The following ITGAM variants were observed in gnomAD, a reference collection of about 807,000 sequenced individuals.
ITGAM encodes the protein integrin alpha-M.
In ITGAM, 79 loss-of-function variants were observed where a neutral mutation model predicts 137.5. That is an observed-to-expected ratio of 0.57 (90% CI 0.48 to 0.69). The LOEUF (loss-of-function observed/expected upper bound fraction) is 0.69. Among genes scored for constraint, ITGAM ranks in the 30% least tolerant of loss-of-function variants. The pLI is 0.00. For missense variants in ITGAM, 1,343 were observed against 1,483.5 expected (o/e 0.91, Z 1.56); for synonymous variants, 583 against 592.3 (o/e 0.98, Z 0.23).
chr16:31,330,101 C>T lies in ITGAM; in HGVS notation c.2997C>T (p.His999=). 2 of 1,613,848 alleles carry T rather than the reference C, an allele frequency of 1.2e-6. No individual in the cohort carries two copies. The highest frequency in any genetic ancestry group is 1.7e-6 in the Non-Finnish European group (2 of 1,179,804). The change falls in exon 26 of 30, where the codon CAC becomes CAT. Residue 999 remains histidine (H), a synonymous_variant. Coordinates refer to ENST00000544665, the MANE Select transcript of ITGAM (RefSeq NM_000632.4). Reference sequence around the variant, plus strand: ...CTCAGAACCTCTCGAGTACGTGCCACACCAAGGAGCGCTTGCCCTCTCACT... The same window carrying T: ...CTCAGAACCTCTCGAGTACGTGCCATACCAAGGAGCGCTTGCCCTCTCACT... ...TFSENLSSTC[H]TKERLPSHSD...
chr16:31,329,955 C>T (rs1252389618), intron 25 of ITGAM, 50 bp downstream of exon 25: 10 of 1,534,360 alleles, frequency 6.5e-6, no homozygotes, highest in Non-Finnish European at 8.8e-6. Context: ...GTTCCTCTCA[C>T]CTCTGTTAAT....
intron 12 of ITGAM, among the ~76,000 whole-genome samples, chr16:31,283,186 A>G (rs893884545): frequency 6.6e-6 from 1 of 151,682 alleles, no homozygotes; most frequent in Non-Finnish European, 1.5e-5. Flanking sequence ...TGAATCTGAC[A>G]ATTATGTGTC....
chr16:31,317,153 G>A (rs1362558257), intron 14 of ITGAM, among the ~76,000 whole-genome samples: 4 of 152,158 alleles, frequency 2.6e-5, no homozygotes, highest in Admixed American at 2.6e-4. Context: ...GAAGTGGTGA[G>A]TGTGGGCATC....
chr16:31,301,893 T>C (rs560670856), intron 14 of ITGAM, among the ~76,000 whole-genome samples: 2 of 152,314 alleles, frequency 1.3e-5, no homozygotes, highest in South Asian at 2.1e-4. Flanking sequence ...AAGGTTTCAC[T>C]ACATGAGTCA....
chr16:31,305,687 T>A (rs1373391730), intron 14 of ITGAM, among the ~76,000 whole-genome samples: 2 of 152,220 alleles, frequency 1.3e-5, no homozygotes, highest in Non-Finnish European at 1.5e-5. Flanking sequence ...TGCTGGATTT[T>A]ATCAAATGCT....
At chr16:31,263,501 C>G (rs2079728417) in intron 2 of ITGAM, among the ~76,000 whole-genome samples, 1 of 152,118 alleles carries the variant, frequency 6.6e-6, no homozygotes, top group South Asian at 2.1e-4. Flanking sequence ...CCTCATACTC[C>G]CTCACTCATT....
At chr16:31,331,552 G>A (rs1597046510) in intron 29 of ITGAM, 84 bp from the exon 30 acceptor site, 1 of 454,870 alleles carries the variant, frequency 2.2e-6, no homozygotes, top group East Asian at 4.5e-5. Flanking sequence ...TGTCTCTGCC[G>A]GCCCTCCCGC....
chr16:31,274,210 A>G (rs1014337232), intron 8 of ITGAM, among the ~76,000 whole-genome samples: 2 of 152,228 alleles, frequency 1.3e-5, no homozygotes, highest in African/African-American at 4.8e-5. Context: ...CAAGCCACCC[A>G]CAAGTCAGTC....
intron 14 of ITGAM, among the ~76,000 whole-genome samples, chr16:31,308,508 T>A (rs1449065841): frequency 2.6e-5 from 4 of 152,200 alleles, no homozygotes; most frequent in African/African-American, 9.6e-5. Flanking sequence ...CCCTTTGTCA[T>A]TTTTGTATTG....
At chr16:31,276,217 G>A (rs1015418616) in intron 9 of ITGAM, among the ~76,000 whole-genome samples, 1 of 152,182 alleles carries the variant, frequency 6.6e-6, no homozygotes, top group East Asian at 1.9e-4. Context: ...ATCCTTCTAA[G>A]AGGGACGTAT....
chr16:31,313,216 C>CA lies in ITGAM; in HGVS notation c.1708-8014dup, dbSNP rs908046708. Among the ~76,000 whole-genome samples the CA allele has an allele frequency of 2.5e-4, 37 of 145,698 alleles. No homozygotes were observed. In the Middle Eastern group the frequency reaches 0.01, roughly 41 times the overall value. The stretch of plus-strand genomic sequence containing the variant: ...CTGGCAACAGAGCGAGACTCCGTCT[C>CA]AAAAAAAAAAATTATACGTTAAGTT... On this transcript the variant is annotated intron_variant, in intron 14 of 29. Transcript: ENST00000544665.
At position 31,324,921 on chromosome 16, in the gene ITGAM, T is replaced by G; in HGVS notation, c.2290-37T>G. The G allele has an allele frequency of 6.4e-7, 1 of 1,570,386 alleles. No individual in the cohort carries two copies. The highest frequency in any genetic ancestry group is 8.7e-7 in the Non-Finnish European group (1 of 1,155,094). On this transcript the variant is annotated intron_variant, in intron 18 of 29. Coordinates refer to ENST00000544665, the MANE Select transcript of ITGAM (RefSeq NM_000632.4). The surrounding 1 kb of genome is among the most constrained non-coding windows in gnomAD (Gnocchi z 4.5). ...TTAATTTCACAATACTTGGTTATTT[T>G]CTTTCCTTTCATTTGATCATATTTA...
At chr16:31,271,809 C>A in intron 6 of ITGAM, 38 bp from the exon 7 acceptor site, 1 of 1,612,148 alleles carries the variant, frequency 6.2e-7, no homozygotes, top group South Asian at 1.1e-5. Flanking sequence ...GGGGTGGGGG[C>A]ACCTTCTCCA....
At chr16:31,292,995 A>G (rs2080101639) in intron 12 of ITGAM, among the ~76,000 whole-genome samples, 1 of 151,982 alleles carries the variant, frequency 6.6e-6, no homozygotes, top group Non-Finnish European at 1.5e-5. Flanking sequence ...TTTGATTTAC[A>G]TTTCTCTAAT....
At chr16:31,270,714 TATATATATATATATATATATATATATA>T (rs2079825150) in intron 5 of ITGAM, among the ~76,000 whole-genome samples, 1 of 99,308 alleles carries the variant, frequency 1.0e-5, no homozygotes, top group Non-Finnish European at 2.1e-5. Context: ...TATATATATA[TATATATATATATATATATATATATATA>T]TATGTTTTTA....
chr16:31,324,716 A>G lies in ITGAM; in HGVS notation c.2223A>G (p.Pro741=), dbSNP rs2080487874. The G allele has an allele frequency of 6.2e-7, 1 of 1,600,510 alleles. No individual in the cohort carries two copies. ...TGAACTTCTCTCTGGTGGGAACGCC[A>G]TTGTCTGCTTTCGGGAACCTCCGGC... is the stretch of plus-strand genomic sequence containing the variant. The part of the protein sequence containing the change: ...LRLNFSLVGT[P]LSAFGNLRPV... Residue 741 remains proline (P), a synonymous_variant, in exon 18 of 30, where the codon CCA becomes CCG. Transcript: ENST00000544665. This position sits in a 1 kb window ranked among gnomAD's most constrained non-coding sequence, Gnocchi z 4.5.
intron 7 of ITGAM, among the ~76,000 whole-genome samples, chr16:31,272,945 C>G: frequency 6.6e-6 from 1 of 151,998 alleles, no homozygotes; most frequent in Non-Finnish European, 1.5e-5. Flanking sequence ...GGAGCCCCTC[C>G]GAGACCTCGC....
chr16:31,327,619 T>TAATAATAATA (rs1469921279), intron 22 of ITGAM, among the ~76,000 whole-genome samples: 2 of 149,418 alleles, frequency 1.3e-5, no homozygotes, highest in African/African-American at 5.0e-5. Context: ...ATAATAATAA[T>TAATAATAATA]AAAAAATAAA....
At chr16:31,294,009 G>A (rs2080110283) in intron 12 of ITGAM, among the ~76,000 whole-genome samples, 1 of 152,126 alleles carries the variant, frequency 6.6e-6, no homozygotes, top group African/African-American at 2.4e-5. Flanking sequence ...ATCGTGAATA[G>A]GATTGCCTTC....
Sources: allele counts gnomAD v4.1 joint callset (sites outside exome capture counted in the v4.1 genomes callset), GRCh38; gene constraint gnomAD v4.1.1; non-coding constraint Gnocchi (gnomAD v3.1); transcripts MANE v1.5; gene names NCBI Gene and HGNC (gene_info 2026-07-23, HGNC 2026-07-21).